The following DOCK1 variants were observed in gnomAD, a reference collection of about 807,000 sequenced individuals.
DOCK1 encodes the protein dedicator of cytokinesis protein 1.
In DOCK1, 138 loss-of-function variants were observed where a neutral mutation model predicts 262.7. The observed-to-expected ratio is 0.53, with a 90% CI of 0.46 to 0.61. The LOEUF (loss-of-function observed/expected upper bound fraction) is 0.61, where lower values mean the gene tolerates loss of function less well. DOCK1 is among the 20% of genes least tolerant of loss of function. DOCK1 has a pLI of 0.00. For synonymous variants in DOCK1, 866 were observed against 867.4 expected, an observed-to-expected ratio of 1.00 and a Z score of 0.03; for missense variants, 1,908 against 2,370.7, an observed-to-expected ratio of 0.80 and a Z score of 4.05.
intron 28 of DOCK1, among the ~76,000 whole-genome samples, chr10:127,253,030 A>T (rs898331760): frequency 6.6e-6 from 1 of 152,172 alleles, no homozygotes; most frequent in African/African-American, 2.4e-5. Context: ...AAGCGGAATG[A>T]CTGATCCAGA....
intron 23 of DOCK1, among the ~76,000 whole-genome samples, chr10:127,105,150 A>G (rs2048460300): frequency 6.6e-6 from 1 of 152,168 alleles, no homozygotes; most frequent in Non-Finnish European, 1.5e-5. Flanking sequence ...GCTGCCATGT[A>G]AGATGTGCTT....
rs1445464846 is a variant in DOCK1, at chr10:126,981,983, G to A, written c.227+10G>A. On this transcript the variant is annotated intron_variant, in intron 4 of 51. Coordinates refer to ENST00000623213, the MANE Select transcript of DOCK1 (RefSeq NM_001290223.2). ...TAGTTGAAGGAAAAGGGTGAGTCTG[G>A]TCTTGATGTTTAAATGAAGAATTGC... 1 of 1,612,918 alleles carries A rather than the reference G, an allele frequency of 6.2e-7. No homozygotes were observed. The highest frequency in any genetic ancestry group is 8.5e-7 in the Non-Finnish European group (1 of 1,179,542).
intron 29 of DOCK1, among the ~76,000 whole-genome samples, chr10:127,299,813 C>T (rs2061622868): frequency 6.6e-6 from 1 of 152,180 alleles, no homozygotes; most frequent in African/African-American, 2.4e-5. Context: ...AGGCTTAGGA[C>T]TTGGTTAGTT....
chr10:127,160,045 C>T (rs74158627), intron 27 of DOCK1, among the ~76,000 whole-genome samples: 2,135 of 151,938 alleles, frequency 0.014, 50 homozygotes, highest in African/African-American at 0.049. Flanking sequence ...TTAGTGTCTC[C>T]GAGACCTTGA....
At chr10:127,126,864 C>G (rs1395614859) in intron 26 of DOCK1, among the ~76,000 whole-genome samples, 3 of 152,170 alleles carry the variant, frequency 2.0e-5, no homozygotes, top group Non-Finnish European at 4.4e-5. Context: ...CGCTGTAGCC[C>G]TGGCTCATTC....
At chr10:127,155,341 A>G (rs1188211437) in intron 27 of DOCK1, among the ~76,000 whole-genome samples, 1 of 152,124 alleles carries the variant, frequency 6.6e-6, no homozygotes, top group African/African-American at 2.4e-5. Flanking sequence ...ACGTGACCTC[A>G]TGGTTATGTG....
chr10:127,404,183 C>T, intron 39 of DOCK1, 142 bp from the exon 40 acceptor site: 1 of 618,686 alleles, frequency 1.6e-6, no homozygotes, highest in Non-Finnish European at 2.9e-6. Context: ...TCAGTACCCT[C>T]TCCCACCATC....
chr10:127,343,875 T>G (rs527441594), intron 31 of DOCK1, 129 bp downstream of exon 31: 3 of 749,922 alleles, frequency 4.0e-6, no homozygotes, highest in Admixed American at 5.7e-5. Context: ...AGGGTGGTTT[T>G]AAATCACCAA....
intron 27 of DOCK1, among the ~76,000 whole-genome samples, chr10:127,130,930 G>A (rs1458624388): frequency 1.3e-5 from 2 of 152,166 alleles, no homozygotes; most frequent in African/African-American, 4.8e-5. Flanking sequence ...CCTGCTTAGG[G>A]AGACAGCTGT....
chr10:127,154,764 T>C (rs1213907650), intron 27 of DOCK1, among the ~76,000 whole-genome samples: 1 of 152,142 alleles, frequency 6.6e-6, no homozygotes, highest in East Asian at 1.9e-4. Flanking sequence ...TCCCCCCTAA[T>C]TAAAAAATTA....
chr10:127,438,336 G>A (rs531798561), intron 48 of DOCK1, among the ~76,000 whole-genome samples: 69 of 152,364 alleles, frequency 4.5e-4, no homozygotes, highest in African/African-American at 1.7e-3. Flanking sequence ...AACCACGAAT[G>A]TGTCTTTACA....
At chr10:127,156,731 G>T (rs2053120586) in intron 27 of DOCK1, among the ~76,000 whole-genome samples, 1 of 151,748 alleles carries the variant, frequency 6.6e-6, no homozygotes, top group Non-Finnish European at 1.5e-5. Flanking sequence ...ACCACTCCCG[G>T]CTAATTTTGT....
rs2059322075 is a variant in DOCK1, at chr10:127,243,212, G to T, written c.2848-4796G>T. Among the ~76,000 whole-genome samples, 3 of 152,092 alleles carry T rather than the reference G, an allele frequency of 2.0e-5. No individual in the cohort carries two copies. The Middle Eastern group carries it at 0.01, about 517-fold the overall frequency. On this transcript the variant is annotated intron_variant, in intron 27 of 51. Transcript: ENST00000623213. ...TCAAGAATATGAATTAAAACCCTTT[G>T]GATTTTTTTCTTCTAATTCATACTT...
chr10:127,272,190 T>C (rs1444934238), intron 29 of DOCK1: 2 of 152,254 alleles, frequency 1.3e-5, no homozygotes, highest in Non-Finnish European at 2.9e-5. Context: ...AATTATGTTG[T>C]AAAGTGAAAT....
intron 29 of DOCK1, among the ~76,000 whole-genome samples, chr10:127,280,190 G>T (rs1057490990): frequency 1.3e-5 from 2 of 151,124 alleles, no homozygotes; most frequent in African/African-American, 4.8e-5. Flanking sequence ...ACCCGCCACC[G>T]CACCCGGCTA....
chr10:127,196,528 G>A (rs892854472), intron 27 of DOCK1, among the ~76,000 whole-genome samples: 24 of 147,992 alleles, frequency 1.6e-4, no homozygotes, highest in Non-Finnish European at 3.6e-4. Flanking sequence ...CCAGAGGCGA[G>A]GGCGCCCCAA....
chr10:127,435,989 A>C (rs1198079877), intron 48 of DOCK1, among the ~76,000 whole-genome samples: 1 of 152,242 alleles, frequency 6.6e-6, no homozygotes, highest in Non-Finnish European at 1.5e-5. Context: ...TGAGCTAAAC[A>C]GCATCTACTA....
At chr10:127,284,030 T>A (rs145340413) in intron 29 of DOCK1, among the ~76,000 whole-genome samples, 1 of 152,352 alleles carries the variant, frequency 6.6e-6, no homozygotes, top group African/African-American at 2.4e-5. Flanking sequence ...AAAATGTTGT[T>A]TTATTTTTAC....
intron 23 of DOCK1, among the ~76,000 whole-genome samples, chr10:127,087,026 T>C (rs2047239531): frequency 6.6e-6 from 1 of 152,178 alleles, no homozygotes; most frequent in African/African-American, 2.4e-5. Flanking sequence ...AGCATTTCTA[T>C]AGAGCGGGAT....
Sources: allele counts gnomAD v4.1 joint callset (sites outside exome capture counted in the v4.1 genomes callset), GRCh38; gene constraint gnomAD v4.1.1; transcripts MANE v1.5; gene names NCBI Gene and HGNC (gene_info 2026-07-23, HGNC 2026-07-21).